SYNE2: variants seen among roughly 807,000 people sequenced by gnomAD.
SYNE2 encodes nesprin-2.
In SYNE2, 431 loss-of-function variants were observed where a neutral mutation model predicts 856.3. The observed-to-expected ratio is 0.50, with a 90% CI of 0.47 to 0.55. SYNE2 has a LOEUF of 0.55. Ranked by LOEUF, SYNE2 falls within the 20% of genes least tolerant of loss-of-function variation. SYNE2 has a pLI of 0.00. For missense variants in SYNE2, 8,129 were observed against 8,023.2 expected (o/e 1.01, Z -0.50); for synonymous variants, 2,923 against 2,872.3 (o/e 1.02, Z -0.56).
intron 2 of SYNE2, among the ~76,000 whole-genome samples, chr14:63,940,055 A>G (rs1035393085): frequency 2.8e-4 from 41 of 146,282 alleles, no homozygotes; most frequent in Non-Finnish European, 2.1e-4. Context: ...TCAAGGTGGT[A>G]TAGGGTCTCA....
At chr14:64,173,851 T>C (rs1334656596) in intron 94 of SYNE2, 2 of 631,430 alleles carry the variant, frequency 3.2e-6, no homozygotes, top group South Asian at 1.8e-5. Context: ...TTTTAAAGTT[T>C]TTACTTTATT....
intron 1 of SYNE2, among the ~76,000 whole-genome samples, chr14:63,829,373 T>A (rs372991142): frequency 2.6e-5 from 4 of 152,076 alleles, no homozygotes; most frequent in African/African-American, 9.6e-5. Context: ...GCCATGGTCA[T>A]GTCACTGCAC....
chr14:64,216,503 T>C (rs2098667272), intron 108 of SYNE2, 116 bp downstream of exon 108: 6 of 1,211,742 alleles, frequency 5.0e-6, no homozygotes, highest in Non-Finnish European at 7.3e-6. Flanking sequence ...ATATTTTGAG[T>C]TGGTTTTCTT....
At chr14:64,213,646 A>G (rs2098652756) in intron 105 of SYNE2, among the ~76,000 whole-genome samples, 1 of 152,158 alleles carries the variant, frequency 6.6e-6, no homozygotes, top group Non-Finnish European at 1.5e-5. Flanking sequence ...CATCAGACAC[A>G]GCCTCAAAAA....
At chr14:63,888,921 G>T (rs1307824873) in intron 1 of SYNE2, among the ~76,000 whole-genome samples, 2 of 152,024 alleles carry the variant, frequency 1.3e-5, no homozygotes, top group Non-Finnish European at 2.9e-5. Flanking sequence ...AACAAAGTAG[G>T]CCGGGCGCGG....
chr14:64,042,244 A>G (rs1369259318), intron 45 of SYNE2, among the ~76,000 whole-genome samples: 1 of 152,252 alleles, frequency 6.6e-6, no homozygotes, highest in African/African-American at 2.4e-5. Context: ...CCATGATTCT[A>G]TTTCAGTAAG....
At chr14:64,067,636 T>G (rs943471094) in intron 51 of SYNE2, among the ~76,000 whole-genome samples, 26 of 152,222 alleles carry the variant, frequency 1.7e-4, no homozygotes, top group Non-Finnish European at 3.7e-4. Context: ...TGAAATAAAG[T>G]TTATATTAGC....
intron 1 of SYNE2, among the ~76,000 whole-genome samples, chr14:63,881,322 C>T (rs1398653645): frequency 4.0e-5 from 6 of 151,856 alleles, no homozygotes; most frequent in Non-Finnish European, 8.8e-5. Context: ...AAGCTATTAC[C>T]AGGATGATTG....
chr14:63,817,653 A>G (rs1266495882), intron 1 of SYNE2, among the ~76,000 whole-genome samples: 4 of 152,222 alleles, frequency 2.6e-5, no homozygotes, highest in Non-Finnish European at 4.4e-5. Flanking sequence ...CAAGACTAAA[A>G]AAGAAAAACT....
intron 16 of SYNE2, among the ~76,000 whole-genome samples, 157 bp from the exon 17 acceptor site, chr14:63,982,449 GTGCGGAGGTTGCAATGACCTTGAT>G (rs2096592609): frequency 6.7e-6 from 1 of 148,626 alleles, no homozygotes; most frequent in Non-Finnish European, 1.5e-5. Flanking sequence ...ATTAGTCTTG[GTGCGGAGGTTGCAATGACCTTGAT>G]TGCGCCACTG....
In SYNE2 at chr14:63,942,126, A is replaced by G. The variant is rs540825142; in HGVS notation, c.391A>G (p.Ile131Val). ...CATTATCCTTGGCCTAATTTGGACA[A>G]TTATCCTGCACTTTCATGTAAGTAG... is the stretch of plus-strand genomic sequence containing the variant. ...PSIILGLIWT[I>V]ILHFHIEKLA... Residue 131 changes from isoleucine to valine, a missense_variant, in exon 6 of 116, where the codon ATT (isoleucine) becomes GTT (valine). Transcript: ENST00000555002. 3.8e-6 allele frequency: 6 copies of G among 1,596,140 alleles called. No homozygotes were observed. Among genetic ancestry groups the G allele is most frequent in the Admixed American group, 3.3e-5 (2 of 59,992 alleles).
chr14:64,002,194 A>G, intron 29 of SYNE2, 113 bp downstream of exon 29: 1 of 955,388 alleles, frequency 1.0e-6, no homozygotes, highest in Non-Finnish European at 1.6e-6. Flanking sequence ...AGTATAAGCC[A>G]TGACAGTTTT....
chr14:63,814,853 TC>T (rs1888829214), intron 1 of SYNE2, among the ~76,000 whole-genome samples: 1 of 123,050 alleles, frequency 8.1e-6, no homozygotes, highest in Non-Finnish European at 1.7e-5. Context: ...TCCATATATA[TC>T]CATATATATC....
intron 94 of SYNE2, among the ~76,000 whole-genome samples, chr14:64,173,216 G>A (rs1426901209): frequency 6.6e-6 from 1 of 152,206 alleles, no homozygotes; most frequent in Non-Finnish European, 1.5e-5. Context: ...GTGTCGGTTT[G>A]TGAGTCTGGT....
rs1487719940 is a variant in SYNE2 at position 64,209,936 on chromosome 14, A to G, written c.18541-6A>G. On this transcript the variant is annotated splice_region_variant and splice_polypyrimidine_tract_variant and intron_variant, in intron 102 of 115. Coordinates refer to ENST00000555002, the MANE Select transcript of SYNE2 (RefSeq NM_182914.3). ...CTTTGGCTCTGACCCCTCCCATGTG[A>G]TGCAGGCCTTTCAGCGGCAGATTCA... 4 of 1,614,048 alleles carry G rather than the reference A, an allele frequency of 2.5e-6. No individual in the cohort carries two copies. The highest frequency in any genetic ancestry group is 1.6e-4 in the Middle Eastern group (1 of 6,062).
At chr14:64,184,358 G>GTGTGTGTGTGTGTGTGTGTA (rs989630777) in intron 96 of SYNE2, among the ~76,000 whole-genome samples, 6 of 150,842 alleles carry the variant, frequency 4.0e-5, no homozygotes, top group African/African-American at 1.5e-4. Flanking sequence ...GTGTGTGTGT[G>GTGTGTGTGTGTGTGTGTGTA]TGTGTATGTG....
intron 82 of SYNE2, 42 bp downstream of exon 82, chr14:64,142,130 G>A: frequency 1.2e-6 from 2 of 1,611,358 alleles, no homozygotes; most frequent in South Asian, 2.2e-5. Flanking sequence ...ATTGAAACAA[G>A]AAGGCTAATC....
chr14:64,037,627 G>C (rs1027385116), intron 45 of SYNE2, among the ~76,000 whole-genome samples: 16 of 151,180 alleles, frequency 1.1e-4, no homozygotes, highest in Admixed American at 9.2e-4. Flanking sequence ...ATCATGGCCC[G>C]TTCTCAATGA....
Position 63,955,572 on chromosome 14 carries a change from G to T in SYNE2, c.787+657G>T, listed in dbSNP as rs192821072. On this transcript the variant is annotated intron_variant, in intron 8 of 115. Transcript: ENST00000555002. ...TTAAGGTCATAATAGAGGTATATGG[G>T]ATTAGTGAAAATTATGATGAACGAA... is the stretch of plus-strand genomic sequence containing the variant. 2.6e-4 allele frequency among the ~76,000 whole-genome samples: 39 copies of T among 152,150 alleles called. 2 individuals are homozygous for T. The highest frequency in any genetic ancestry group is 2.2e-3 in the Admixed American group (33 of 15,280).
Sources: allele counts gnomAD v4.1 joint callset (sites outside exome capture counted in the v4.1 genomes callset), GRCh38; gene constraint gnomAD v4.1.1; transcripts MANE v1.5; gene names NCBI Gene and HGNC (gene_info 2026-07-23, HGNC 2026-07-21).